ADGRV1: variants seen among roughly 807,000 people sequenced by gnomAD.
ADGRV1 encodes the protein G-protein coupled receptor 98.
A neutral mutation model predicts 596.2 loss-of-function variants in ADGRV1; 359 were observed. That is an observed-to-expected ratio of 0.60 (90% CI 0.55 to 0.66). The LOEUF (loss-of-function observed/expected upper bound fraction) is 0.66. Ranked by LOEUF, ADGRV1 falls within the 30% of genes least tolerant of loss-of-function variation. The pLI is 0.00. For missense variants in ADGRV1, 7,274 were observed against 7,575.6 expected (o/e 0.96, Z 1.48); for synonymous variants, 2,681 against 2,679.2 (o/e 1.00, Z -0.02).
In ADGRV1 at chr5:90,799,113, A is replaced by G. The variant is rs188603206; in HGVS notation, c.14518-3626A>G. 2.1e-3 allele frequency among the ~76,000 whole-genome samples: 321 copies of G among 152,288 alleles called. 1 individual carries two copies. Among genetic ancestry groups the G allele is most frequent in the African/African-American group, 6.7e-3 (279 of 41,566 alleles). The stretch of plus-strand genomic sequence containing the variant: ...AAAAGAAAGGAGTAAAGGATATTCA[A>G]ATAGAAAAGGAGGAAGTCAAATTAT... On this transcript the variant is annotated intron_variant, in intron 70 of 89. Transcript: ENST00000405460.
chr5:90,652,383 G>A lies in ADGRV1; in HGVS notation c.3454G>A (p.Val1152Ile), dbSNP rs749772242. 8 of 1,608,710 alleles carry A rather than the reference G, an allele frequency of 5.0e-6. No homozygotes were observed. The highest frequency in any genetic ancestry group is 3.4e-5 in the Admixed American group (2 of 59,568). Residue 1152 changes from valine (V) to isoleucine (I), a missense_variant, in exon 19 of 90, where the codon GTA (valine) becomes ATA (isoleucine). Val to Ile is a conservative substitution (Grantham distance 29). Coordinates refer to ENST00000405460, the MANE Select transcript of ADGRV1 (RefSeq NM_032119.4). ...RHRGYFGSVSVSWQLFQNDSA... is the reference protein window; with the variant it reads ...RHRGYFGSVSISWQLFQNDSA... Reference sequence around the variant, plus strand: ...CCGAGGATACTTTGGTAGTGTTTCTGTATCTTGGCAGCTCTTTCAGAATGA... The same window carrying A: ...CCGAGGATACTTTGGTAGTGTTTCTATATCTTGGCAGCTCTTTCAGAATGA...
intron 85 of ADGRV1, among the ~76,000 whole-genome samples, chr5:90,991,276 T>C (rs973093722): frequency 1.3e-5 from 2 of 152,226 alleles, no homozygotes; most frequent in Non-Finnish European, 2.9e-5. Flanking sequence ...TCCTTACTAA[T>C]TCATATGAAT....
intron 1 of ADGRV1, among the ~76,000 whole-genome samples, chr5:90,588,221 C>T (rs905091552): frequency 6.6e-6 from 1 of 152,046 alleles, no homozygotes; most frequent in Non-Finnish European, 1.5e-5. Context: ...TGACTTAAAA[C>T]CTAGTAGAAA....
At chr5:90,617,513 T>C (rs1377435888) in intron 2 of ADGRV1, 1 of 206,224 alleles carries the variant, frequency 4.8e-6, no homozygotes, top group African/African-American at 2.4e-5. Flanking sequence ...TTTCACCATA[T>C]TGGCCAGGCT....
chr5:90,861,888 A>G (rs1164251768), intron 82 of ADGRV1, among the ~76,000 whole-genome samples: 2 of 152,118 alleles, frequency 1.3e-5, no homozygotes, highest in Non-Finnish European at 2.9e-5. Flanking sequence ...GTTTCCCTAG[A>G]CTAGGACCCA....
intron 83 of ADGRV1, among the ~76,000 whole-genome samples, chr5:90,896,399 T>C (rs1771327685): frequency 6.7e-6 from 1 of 148,812 alleles, no homozygotes; most frequent in Non-Finnish European, 1.5e-5. Context: ...GCCTCCCAAG[T>C]AGGTGGGACT....
chr5:90,907,784 AG>A (rs1477579266), intron 83 of ADGRV1, among the ~76,000 whole-genome samples: 1 of 152,064 alleles, frequency 6.6e-6, no homozygotes, highest in Admixed American at 6.6e-5. Context: ...TTCTTCATCT[AG>A]TACCTACCAC....
intron 1 of ADGRV1, among the ~76,000 whole-genome samples, chr5:90,595,342 A>AC (rs1191026777): frequency 2.9e-4 from 12 of 41,244 alleles, no homozygotes; most frequent in South Asian, 9.4e-4. Flanking sequence ...CGGGGGGCTG[A>AC]CCCCCCCACC....
intron 83 of ADGRV1, among the ~76,000 whole-genome samples, chr5:90,917,330 C>T (rs1773476326): frequency 6.6e-6 from 1 of 150,652 alleles, no homozygotes; most frequent in South Asian, 2.1e-4. Context: ...GAGATGTATA[C>T]AGTGATGTGC....
intron 42 of ADGRV1, among the ~76,000 whole-genome samples, chr5:90,713,564 ATACACCTTTAGAT>A (rs1749682429): frequency 6.6e-6 from 1 of 152,184 alleles, no homozygotes; most frequent in Non-Finnish European, 1.5e-5. Context: ...ATACAGCGAC[ATACACCTTTAGAT>A]GAGGCAGGAG....
intron 77 of ADGRV1, among the ~76,000 whole-genome samples, chr5:90,835,644 C>G (rs73179336): frequency 0.016 from 2,507 of 152,216 alleles, 73 homozygotes; most frequent in African/African-American, 0.058. Flanking sequence ...CAAAAGCAAT[C>G]GGAATGACAG....
intron 50 of ADGRV1, among the ~76,000 whole-genome samples, chr5:90,734,642 G>C (rs1435276765): frequency 7.0e-6 from 1 of 142,510 alleles, no homozygotes; most frequent in Non-Finnish European, 1.5e-5. Context: ...CTAGAGTGCA[G>C]TGGTGCAATC....
intron 85 of ADGRV1, among the ~76,000 whole-genome samples, chr5:91,070,864 G>A (rs1435729134): frequency 6.6e-6 from 1 of 152,148 alleles, no homozygotes; most frequent in African/African-American, 2.4e-5. Flanking sequence ...GAAATGTATA[G>A]TTAAGGAATA....
intron 80 of ADGRV1, 71 bp from the exon 81 acceptor site, chr5:90,853,991 T>C (rs1009906259): frequency 2.6e-5 from 30 of 1,148,088 alleles, no homozygotes; most frequent in Non-Finnish European, 3.6e-5. Context: ...TGAAGTCAAG[T>C]TCAGGGTAAG....
At chr5:90,857,389 TAA>T (rs879317324) in intron 82 of ADGRV1, among the ~76,000 whole-genome samples, 1 of 141,786 alleles carries the variant, frequency 7.1e-6, no homozygotes, top group Non-Finnish European at 1.5e-5. Flanking sequence ...AGACTGAATA[TAA>T]AAAAAAAAAG....
intron 75 of ADGRV1, among the ~76,000 whole-genome samples, chr5:90,817,124 T>C (rs1762976989): frequency 6.6e-6 from 1 of 152,202 alleles, no homozygotes; most frequent in Non-Finnish European, 1.5e-5. Flanking sequence ...TGAGATGGTA[T>C]CTCATTGTGG....
Position 90,926,690 on chromosome 5 carries a change from T to G in ADGRV1, c.17857-38725T>G, listed in dbSNP as rs548486092. Among the ~76,000 whole-genome samples the G allele has an allele frequency of 2.6e-3, 393 of 150,950 alleles. 6 individuals carry two copies. Among genetic ancestry groups the G allele is most frequent in the South Asian group, 0.023 (111 of 4,744 alleles). ...CCTTCTGCTAGCTTTTGAATGTGTTTGCTCTTGCTTTTCTAGTTCTTTTAA... is the reference window on the plus strand; with the variant it reads ...CCTTCTGCTAGCTTTTGAATGTGTTGGCTCTTGCTTTTCTAGTTCTTTTAA... On this transcript the variant is annotated intron_variant, in intron 83 of 89. Transcript: ENST00000405460.
At chr5:91,132,977 A>C (rs1794334015) in intron 87 of ADGRV1, among the ~76,000 whole-genome samples, 1 of 152,202 alleles carries the variant, frequency 6.6e-6, no homozygotes, top group African/African-American at 2.4e-5. Context: ...AGTGGTAATC[A>C]TTAAAGTGTT....
In ADGRV1 at chr5:90,619,177, A is replaced by C; in HGVS notation, c.449A>C (p.Asn150Thr). Reference protein sequence around the residue: ...NDNAFGIISFNMLPSIAVSEP... With the variant: ...NDNAFGIISFTMLPSIAVSEP... ...AATGCATTTGGAATTATTTCATTTA[A>C]TATGGTATGGACACAATTTGATGAT... The change falls in exon 4 of 90, where the codon AAT becomes ACT. Residue 150 changes from asparagine to threonine, a missense_variant. Asn to Thr is a moderately conservative substitution (Grantham distance 65). Coordinates refer to ENST00000405460, the MANE Select transcript of ADGRV1 (RefSeq NM_032119.4). 1 of 1,341,756 alleles carries C rather than the reference A, an allele frequency of 7.5e-7. No homozygotes were observed. Among genetic ancestry groups the C allele is most frequent in the Non-Finnish European group, 1.0e-6 (1 of 986,090 alleles). 83.1% of individuals were successfully genotyped at this position (1,341,756 alleles called of 1,614,324 possible). A position where few individuals can be genotyped will look rare whatever the true frequency, so the allele number is the denominator to read the frequency against.
Sources: gnomAD v4.1 joint callset for allele counts (sites outside exome capture counted in the v4.1 genomes callset) on GRCh38, gnomAD v4.1.1 for gene constraint, MANE v1.5 for transcripts, NCBI Gene and HGNC (gene_info 2026-07-23, HGNC 2026-07-21) for gene names.